The following AP3B1 variants were observed in gnomAD, a reference collection of about 807,000 sequenced individuals.
AP3B1 encodes adaptor related protein complex 3 subunit beta 1.
In AP3B1, 61 loss-of-function variants were observed where a neutral mutation model predicts 132.5. The observed-to-expected ratio is 0.46, with a 90% confidence interval of 0.37 to 0.57. The LOEUF (loss-of-function observed/expected upper bound fraction) is 0.57. AP3B1 is among the 20% of genes least tolerant of loss of function. AP3B1 has a pLI of 0.00. For missense variants in AP3B1, 1,120 were observed against 1,289.4 expected (o/e 0.87, Z 2.01); for synonymous variants, 388 against 438.3 (o/e 0.89, Z 1.43).
In AP3B1 at chr5:78,165,650, G is replaced by A. The variant is rs1743584840; in HGVS notation, c.1190C>T (p.Ala397Val). 5 of 1,608,270 alleles carry A rather than the reference G, an allele frequency of 3.1e-6. No homozygotes were observed. The highest frequency in any genetic ancestry group is 4.3e-6 in the Non-Finnish European group (5 of 1,175,980). Residue 397 changes from alanine (A) to valine (V), a missense_variant, in exon 12 of 27, where the codon GCA becomes GTA. Around this residue, in one of 3 missense-constraint regions of AP3B1, gnomAD observed 906 missense variants for 997.1 expected, o/e 0.91. Transcript: ENST00000255194. Reference protein sequence around the residue: ...TLKLEILTNLANEANISTLLR... With the variant: ...TLKLEILTNLVNEANISTLLR... ...AAGAGTTGATATGTTGGCTTCATTT[G>A]CCAAGTTTGTCAAAATTTCAAGCTA... is the stretch of plus-strand genomic sequence containing the variant.
chr5:78,147,194 T>C (rs1200425679), intron 14 of AP3B1, among the ~76,000 whole-genome samples: 1 of 152,134 alleles, frequency 6.6e-6, no homozygotes, highest in Non-Finnish European at 1.5e-5. Context: ...ATATTTTTTG[T>C]GCAAATAGGT....
At chr5:78,044,132 G>A in intron 22 of AP3B1, 1 of 285,532 alleles carries the variant, frequency 3.5e-6, no homozygotes, top group Non-Finnish European at 6.9e-6. Context: ...CACTTTCTCA[G>A]GCATCTCGAA....
Position 78,110,449 on chromosome 5 carries a change from G to A in AP3B1, c.2250-95C>T, listed in dbSNP as rs1561412878. ...TTTTTAAATTCCAGAATACATTAAT[G>A]AGGTAATAAAAAAGGTATTACCCAT... On this transcript the variant is annotated intron_variant, in intron 19 of 26. Coordinates refer to ENST00000255194, the MANE Select transcript of AP3B1 (RefSeq NM_003664.5). 125 of 887,536 alleles carry A rather than the reference G, an allele frequency of 1.4e-4. No individual in the cohort carries two copies. The South Asian group carries it at 1.9e-3, about 14-fold the overall frequency. The allele number at this position is 887,536 out of a possible 1,614,324, so 55.0% of individuals were successfully genotyped here.
At chr5:78,212,475 C>T (rs919929582) in intron 7 of AP3B1, among the ~76,000 whole-genome samples, 5 of 152,064 alleles carry the variant, frequency 3.3e-5, no homozygotes, top group African/African-American at 1.2e-4. Flanking sequence ...GTTTTAGTGA[C>T]ACTTTTTCCT....
chr5:78,164,646 C>G (rs780230785), intron 12 of AP3B1, among the ~76,000 whole-genome samples: 23 of 152,068 alleles, frequency 1.5e-4, no homozygotes, highest in Non-Finnish European at 2.9e-4. Flanking sequence ...AGTATATTTT[C>G]TAGAACATCT....
At chr5:78,050,522 T>G (rs751374520) in intron 22 of AP3B1, among the ~76,000 whole-genome samples, 1 of 150,384 alleles carries the variant, frequency 6.6e-6, no homozygotes, top group African/African-American at 2.5e-5. Flanking sequence ...AGGAACACAC[T>G]GTGGTGATAT....
At chr5:78,283,403 A>G (rs1749141301) in intron 1 of AP3B1, among the ~76,000 whole-genome samples, 1 of 152,220 alleles carries the variant, frequency 6.6e-6, no homozygotes. Context: ...AACACAATTC[A>G]AAAACTTGTA....
intron 2 of AP3B1, among the ~76,000 whole-genome samples, chr5:78,242,236 A>C (rs1023885707): frequency 6.6e-6 from 1 of 152,164 alleles, no homozygotes; most frequent in Non-Finnish European, 1.5e-5. Flanking sequence ...AAATGACCTT[A>C]CTCACTACTA....
intron 22 of AP3B1, among the ~76,000 whole-genome samples, chr5:78,072,563 T>A (rs1240982080): frequency 1.3e-5 from 2 of 152,090 alleles, no homozygotes; most frequent in Admixed American, 1.3e-4. Context: ...AAGCAGATTT[T>A]CCATATTAAC....
chr5:78,015,035 AATT>A (rs1746799559), intron 26 of AP3B1, among the ~76,000 whole-genome samples: 1 of 152,194 alleles, frequency 6.6e-6, no homozygotes, highest in Non-Finnish European at 1.5e-5. Context: ...CCTCCCTTTC[AATT>A]AAAAAAGTCC....
At chr5:78,214,588 C>G (rs72776484) in intron 7 of AP3B1, among the ~76,000 whole-genome samples, 1 of 152,012 alleles carries the variant, frequency 6.6e-6, no homozygotes, top group Non-Finnish European at 1.5e-5. Flanking sequence ...GCAAAATTGC[C>G]TATAACTTTA....
intron 7 of AP3B1, among the ~76,000 whole-genome samples, chr5:78,183,517 G>A (rs535451433): frequency 6.6e-5 from 10 of 152,224 alleles, no homozygotes; most frequent in Non-Finnish European, 1.3e-4. Flanking sequence ...AAAATGCTTC[G>A]ATGAGCAATT....
intron 2 of AP3B1, among the ~76,000 whole-genome samples, chr5:78,262,630 T>C (rs928906489): frequency 3.9e-5 from 6 of 152,170 alleles, no homozygotes; most frequent in African/African-American, 1.2e-4. Context: ...TCTTCACTAC[T>C]ATGCTTTGTC....
chr5:78,072,435 T>C (rs1195253027), intron 22 of AP3B1, among the ~76,000 whole-genome samples: 2 of 152,148 alleles, frequency 1.3e-5, no homozygotes, highest in Non-Finnish European at 2.9e-5. Flanking sequence ...GATGAACACA[T>C]TTGGCTGGTA....
chr5:78,138,865 T>G (rs7734228), intron 15 of AP3B1, among the ~76,000 whole-genome samples: 43,447 of 147,628 alleles, frequency 0.29, 6,628 homozygotes, highest in Admixed American at 0.4. Context: ...AGCTACTCAG[T>G]GGGCTGAGGC....
At chr5:78,243,505 A>C (rs150691596) in intron 2 of AP3B1, among the ~76,000 whole-genome samples, 15 of 152,340 alleles carry the variant, frequency 9.8e-5, no homozygotes, top group African/African-American at 3.4e-4. Context: ...ACCAATACAA[A>C]GTCCTTGCCC....
chr5:78,172,003 G>T (rs954965551), intron 11 of AP3B1, among the ~76,000 whole-genome samples: 1 of 152,148 alleles, frequency 6.6e-6, no homozygotes, highest in Non-Finnish European at 1.5e-5. Context: ...TAATCATGTG[G>T]TTTTTGTCGT....
At chr5:78,043,716 C>A in intron 22 of AP3B1, 1 of 419,220 alleles carries the variant, frequency 2.4e-6, no homozygotes, top group South Asian at 2.1e-5. Flanking sequence ...GCTTTGTGAT[C>A]ACAACTACTT....
At chr5:78,093,829 T>G (rs1269788092) in intron 21 of AP3B1, among the ~76,000 whole-genome samples, 1 of 152,226 alleles carries the variant, frequency 6.6e-6, no homozygotes, top group Non-Finnish European at 1.5e-5. Context: ...AAAGTATTTG[T>G]ACCATCCCAA....
Sources: allele counts gnomAD v4.1 joint callset (sites outside exome capture counted in the v4.1 genomes callset), GRCh38; gene constraint gnomAD v4.1.1; regional missense constraint gnomAD v4.1.1; transcripts MANE v1.5; gene names NCBI Gene and HGNC (gene_info 2026-07-23, HGNC 2026-07-21).